Variants in CSMD1 observed in about 807,000 individuals in gnomAD.
The protein encoded by CSMD1 is CUB and sushi domain-containing protein 1.
CSMD1 carries 213 observed loss-of-function variants against 417.5 expected under a neutral mutation model. That is an observed-to-expected ratio of 0.51 (90% CI 0.46 to 0.57). The LOEUF (loss-of-function observed/expected upper bound fraction) is 0.57, where lower values mean the gene tolerates loss of function less well. Ranked by LOEUF, CSMD1 falls within the 20% of genes least tolerant of loss-of-function variation. The pLI, the probability that CSMD1 is intolerant of heterozygous loss-of-function variation, is 0.00. For missense variants in CSMD1, 6,923 were observed against 4,529.7 expected, an observed-to-expected ratio of 1.53 and a Z score of -15.17; for synonymous variants, 2,862 against 1,736.8, an observed-to-expected ratio of 1.65 and a Z score of -16.11.
intron 8 of CSMD1, among the ~76,000 whole-genome samples, chr8:3,606,697 A>T (rs1299342661): frequency 7.2e-6 from 1 of 138,688 alleles, no homozygotes; most frequent in Non-Finnish European, 1.6e-5. Context: ...TACTGTAACA[A>T]TTTTACTTCG....
At chr8:3,934,317 T>C (rs1810342975) in intron 5 of CSMD1, among the ~76,000 whole-genome samples, 1 of 152,102 alleles carries the variant, frequency 6.6e-6, no homozygotes, top group African/African-American at 2.4e-5. Flanking sequence ...TAAATGAAAA[T>C]TTCAAAAATA....
At chr8:3,801,211 C>G (rs188919037) in intron 5 of CSMD1, among the ~76,000 whole-genome samples, 11 of 150,834 alleles carry the variant, frequency 7.3e-5, no homozygotes, top group African/African-American at 9.7e-5. Context: ...AATACTACAT[C>G]CAAAACGGTC....
At chr8:4,984,304 G>T (rs1176950299) in intron 1 of CSMD1, among the ~76,000 whole-genome samples, 3 of 152,192 alleles carry the variant, frequency 2.0e-5, no homozygotes, top group African/African-American at 7.2e-5. Flanking sequence ...CCCCTTGGCT[G>T]CATGAGAGTA....
intron 2 of CSMD1, among the ~76,000 whole-genome samples, chr8:4,513,434 C>T (rs1802936029): frequency 6.6e-6 from 1 of 152,070 alleles, no homozygotes; most frequent in African/African-American, 2.4e-5. Context: ...TGATCATGTT[C>T]AAAGCATGTT....
At chr8:4,568,855 A>G (rs548537991) in intron 2 of CSMD1, among the ~76,000 whole-genome samples, 2 of 152,222 alleles carry the variant, frequency 1.3e-5, no homozygotes, top group African/African-American at 4.8e-5. Flanking sequence ...TTTGATTTGC[A>G]TTTCTCTAAT....
chr8:3,090,476 T>A (rs980995990), intron 48 of CSMD1, among the ~76,000 whole-genome samples: 3 of 152,210 alleles, frequency 2.0e-5, no homozygotes, highest in Non-Finnish European at 2.9e-5. Flanking sequence ...ATTTCTTGCC[T>A]GTTATCCTCA....
chr8:3,834,486 G>T (rs549946436), intron 5 of CSMD1, among the ~76,000 whole-genome samples: 2 of 152,304 alleles, frequency 1.3e-5, no homozygotes, highest in East Asian at 3.9e-4. Context: ...TTCCAGGTCA[G>T]TACCTCGGTA....
intron 40 of CSMD1, among the ~76,000 whole-genome samples, chr8:3,143,597 G>A (rs1818645157): frequency 6.6e-6 from 1 of 151,966 alleles, no homozygotes; most frequent in South Asian, 2.1e-4. Context: ...AATTTATATA[G>A]AACTCCAAAG....
At chr8:3,362,378 GC>G (rs1203699707) in intron 20 of CSMD1, among the ~76,000 whole-genome samples, 2 of 152,116 alleles carry the variant, frequency 1.3e-5, no homozygotes, top group Non-Finnish European at 2.9e-5. Flanking sequence ...ACCTCCGGAT[GC>G]AAAAACCAAT....
chr8:3,806,706 G>C (rs977099591), intron 5 of CSMD1, among the ~76,000 whole-genome samples: 2 of 152,080 alleles, frequency 1.3e-5, no homozygotes, highest in Non-Finnish European at 2.9e-5. Flanking sequence ...TCTAATGAGA[G>C]GTAATATTTC....
chr8:4,116,812 A>C (rs2130927954), intron 3 of CSMD1, among the ~76,000 whole-genome samples: 1 of 137,528 alleles, frequency 7.3e-6, no homozygotes, highest in South Asian at 2.4e-4. Flanking sequence ...AAACTACTCT[A>C]AAAAATAGGG....
intron 9 of CSMD1, among the ~76,000 whole-genome samples, chr8:3,577,144 G>A (rs770582013): frequency 1.5e-4 from 23 of 152,258 alleles, no homozygotes; most frequent in Admixed American, 3.3e-4. Flanking sequence ...AGCTGGCCCC[G>A]CCCATGGCTT....
chr8:3,904,688 C>G (rs1414770919), intron 5 of CSMD1, among the ~76,000 whole-genome samples: 1 of 144,150 alleles, frequency 6.9e-6, no homozygotes, highest in South Asian at 2.2e-4. Context: ...CCCGGTTGGA[C>G]TGCAGTGGTG....
In CSMD1 at chr8:4,385,966, G is replaced by C. The variant is rs376562787; in HGVS notation, c.415+33987C>G. 2.2e-4 allele frequency among the ~76,000 whole-genome samples: 34 copies of C among 152,226 alleles called. 1 individual carries two copies. Among genetic ancestry groups the C allele is most frequent in the African/African-American group, 7.2e-5 (3 of 41,536 alleles). ...TTCAGATACCCAACCCAGAGCATCA[G>C]CATCTTTCCTTTAAGTTCATTTCCT... On this transcript the variant is annotated intron_variant, in intron 3 of 69. Coordinates refer to ENST00000635120, the MANE Select transcript of CSMD1 (RefSeq NM_033225.6).
In CSMD1 at chr8:4,009,423, C is replaced by G. The variant is rs140657586; in HGVS notation, c.611-11313G>C. ...TATCATAAAGAAAAATTGAAATAAT[C>G]TAAATATTCAACAGCGGATACATCA... On this transcript the variant is annotated intron_variant, in intron 4 of 69. Coordinates refer to ENST00000635120, the MANE Select transcript of CSMD1 (RefSeq NM_033225.6). Among the ~76,000 whole-genome samples the G allele has an allele frequency of 1.1e-3, 168 of 152,202 alleles. 1 individual carries two copies. The Middle Eastern group carries it at 0.02, about 18-fold the overall frequency.
In CSMD1 at chr8:3,749,483, G is replaced by T. The variant is rs144609009; in HGVS notation, c.931+4447C>A. ...AGAGGTGAAAGTCAAAGAAGAAAGT[G>T]TAAGACTCCGAGAATAAAGAATTTG... On this transcript the variant is annotated intron_variant, in intron 6 of 69. Transcript: ENST00000635120. Among the ~76,000 whole-genome samples, 950 of 152,300 alleles carry T rather than the reference G, an allele frequency of 6.2e-3. 7 individuals are homozygous for T. Among genetic ancestry groups the T allele is most frequent in the African/African-American group, 0.022 (899 of 41,558 alleles).
chr8:4,750,060 G>T (rs1057173003), intron 1 of CSMD1, among the ~76,000 whole-genome samples: 6 of 150,514 alleles, frequency 4.0e-5, no homozygotes, highest in Non-Finnish European at 7.4e-5. Context: ...AGGCTGGAGT[G>T]CAGTGGGCGA....
chr8:4,807,524 G>A (rs940065409), intron 1 of CSMD1, among the ~76,000 whole-genome samples: 1 of 152,270 alleles, frequency 6.6e-6, no homozygotes, highest in East Asian at 1.9e-4. Context: ...AGACAAACCA[G>A]AGAGCAGGAC....
intron 3 of CSMD1, among the ~76,000 whole-genome samples, chr8:4,212,157 C>T (rs1457640949): frequency 6.7e-6 from 1 of 149,374 alleles, no homozygotes; most frequent in African/African-American, 2.5e-5. Flanking sequence ...ATAAAAAAGA[C>T]TCTGTCACTT....
Sources: allele counts gnomAD v4.1 joint callset (sites outside exome capture counted in the v4.1 genomes callset), GRCh38; gene constraint gnomAD v4.1.1; transcripts MANE v1.5; gene names NCBI Gene and HGNC (gene_info 2026-07-23, HGNC 2026-07-21).